Variants in KIF16B observed in about 807,000 individuals in gnomAD.
KIF16B encodes the protein kinesin family member 16B.
KIF16B carries 98 observed loss-of-function variants against 156.3 expected under a neutral mutation model. The ratio of observed to expected loss-of-function variants is 0.63; its 90% confidence interval spans 0.53 to 0.74. KIF16B has a LOEUF of 0.74. Ranked by LOEUF, KIF16B falls within the 30% of genes least tolerant of loss-of-function variation. The probability of loss-of-function intolerance (pLI) is 0.00; values close to 1 mark genes in which losing one functional copy is unlikely to be tolerated. For synonymous variants in KIF16B, 564 were observed against 583.7 expected (o/e 0.97, Z 0.49); for missense variants, 1,421 against 1,606.5 (o/e 0.88, Z 1.97).
At chr20:16,391,723 T>A (rs2065370801) in intron 17 of KIF16B, among the ~76,000 whole-genome samples, 1 of 151,620 alleles carries the variant, frequency 6.6e-6, no homozygotes. Context: ...CAAGGGAGGG[T>A]GGCCACAAGA....
intron 1 of KIF16B, among the ~76,000 whole-genome samples, chr20:16,529,809 G>A (rs1600636381): frequency 6.6e-6 from 1 of 152,244 alleles, no homozygotes; most frequent in East Asian, 1.9e-4. Flanking sequence ...AAATTAGCCG[G>A]CCATGGTGGC....
At chr20:16,471,024 GA>G (rs1183372863) in intron 12 of KIF16B, among the ~76,000 whole-genome samples, 1 of 151,914 alleles carries the variant, frequency 6.6e-6, no homozygotes, top group Admixed American at 6.6e-5. Flanking sequence ...ATGGGAAGTG[GA>G]AAAAAGACAG....
chr20:16,406,561 A>G, intron 15 of KIF16B, 105 bp from the exon 16 acceptor site: 1 of 978,470 alleles, frequency 1.0e-6, no homozygotes, highest in Non-Finnish European at 1.6e-6. Flanking sequence ...CCAGTGTATT[A>G]TAAAATAATA....
chr20:16,509,625 G>C (rs1395224237), intron 6 of KIF16B, among the ~76,000 whole-genome samples: 5 of 152,272 alleles, frequency 3.3e-5, no homozygotes, highest in African/African-American at 9.6e-5. Context: ...TCTACAAACA[G>C]CCTAGTCATA....
chr20:16,480,147 T>C (rs2067939087), intron 12 of KIF16B, among the ~76,000 whole-genome samples: 1 of 152,168 alleles, frequency 6.6e-6, no homozygotes, highest in Admixed American at 6.5e-5. Context: ...AGATGTAATA[T>C]ATAATGCCCA....
rs199580827 is a variant in KIF16B, at chr20:16,512,778, T to C, written c.446+48A>G. 5.7e-4 allele frequency: 745 copies of C among 1,304,566 alleles called. 4 individuals are homozygous for C. The African/African-American group carries it at 9.7e-3, about 17-fold the overall frequency. 80.8% of individuals were successfully genotyped at this position (1,304,566 alleles called of 1,614,324 possible). ...GCACCTAAATGCAGGCCAACCAGCATTGACTCTAATCAAGCTCACACACAG... is the reference window on the plus strand; with the variant it reads ...GCACCTAAATGCAGGCCAACCAGCACTGACTCTAATCAAGCTCACACACAG... On this transcript the variant is annotated intron_variant, in intron 5 of 25. Coordinates refer to ENST00000354981, the MANE Select transcript of KIF16B (RefSeq NM_024704.5).
intron 12 of KIF16B, among the ~76,000 whole-genome samples, chr20:16,437,258 G>A (rs928052075): frequency 1.3e-5 from 2 of 152,144 alleles, no homozygotes; most frequent in African/African-American, 4.8e-5. Flanking sequence ...ATCTATGGTT[G>A]GTAAAATCCA....
At chr20:16,426,506 G>A (rs1388145974) in intron 15 of KIF16B, among the ~76,000 whole-genome samples, 1 of 152,166 alleles carries the variant, frequency 6.6e-6, no homozygotes. Context: ...GGCAAGACTT[G>A]AACGAGGTCT....
chr20:16,522,300 G>C lies in KIF16B; in HGVS notation c.231+3792C>G, dbSNP rs2069381687. Among the ~76,000 whole-genome samples the C allele has an allele frequency of 2.6e-5, 4 of 152,228 alleles. No individual in the cohort carries two copies. The South Asian group carries it at 8.3e-4, about 32-fold the overall frequency. ...CATCTCACATGCAAAGACAACAAAGGCTCAAAATAAAGGGAGAGAAGAATA... is the reference window on the plus strand; with the variant it reads ...CATCTCACATGCAAAGACAACAAAGCCTCAAAATAAAGGGAGAGAAGAATA... On this transcript the variant is annotated intron_variant, in intron 3 of 25. Coordinates refer to ENST00000354981, the MANE Select transcript of KIF16B (RefSeq NM_024704.5).
intron 25 of KIF16B, among the ~76,000 whole-genome samples, chr20:16,300,121 T>C (rs529023075): frequency 2.6e-5 from 4 of 152,364 alleles, no homozygotes; most frequent in Non-Finnish European, 5.9e-5. Context: ...TCTTGGCTTC[T>C]GTGTTCAAAC....
chr20:16,513,659 T>TA lies in KIF16B; in HGVS notation c.349-737dup, dbSNP rs10713040. Among the ~76,000 whole-genome samples, 314 of 112,668 alleles carry TA rather than the reference T, an allele frequency of 2.8e-3. 2 individuals carry two copies. Among genetic ancestry groups the TA allele is most frequent in the East Asian group, 5.5e-3 (22 of 3,980 alleles). The allele number at this position is 112,668 out of a possible 152,430, so 73.9% of individuals were successfully genotyped here. ...TAGGCAACAAGAGCAAAACTACGTT[T>TA]AAAAAAAAAAAAAAAAAAAAAAAAC... On this transcript the variant is annotated intron_variant, in intron 4 of 25. Transcript: ENST00000354981.
At chr20:16,439,450 C>T (rs115437653) in intron 12 of KIF16B, among the ~76,000 whole-genome samples, 32 of 152,294 alleles carry the variant, frequency 2.1e-4, no homozygotes, top group African/African-American at 7.5e-4. Flanking sequence ...CCAACCTCAT[C>T]TCCCCTTCAC....
At chr20:16,554,970 G>A (rs1029758850) in intron 1 of KIF16B, among the ~76,000 whole-genome samples, 17 of 152,218 alleles carry the variant, frequency 1.1e-4, no homozygotes, top group Non-Finnish European at 1.8e-4. Context: ...ACCCTTTGCC[G>A]CTCCATGCCT....
intron 15 of KIF16B, among the ~76,000 whole-genome samples, chr20:16,407,856 A>G (rs958699162): frequency 6.6e-6 from 1 of 152,124 alleles, no homozygotes; most frequent in Non-Finnish European, 1.5e-5. Context: ...GCAAGAGTTC[A>G]AAGTCTGGAG....
intron 25 of KIF16B, among the ~76,000 whole-genome samples, chr20:16,292,470 G>A (rs1004248078): frequency 5.3e-5 from 8 of 152,140 alleles, no homozygotes; most frequent in Non-Finnish European, 1.2e-4. Context: ...GTTTACACGG[G>A]CAACAAAAGA....
chr20:16,301,194 T>C (rs539232134), intron 25 of KIF16B, among the ~76,000 whole-genome samples: 58 of 152,334 alleles, frequency 3.8e-4, no homozygotes, highest in African/African-American at 1.4e-3. Context: ...CTACATAACA[T>C]TCTATTGTTT....
rs373910294 is a variant in KIF16B at position 16,361,504 on chromosome 20, C to T, written c.3499-5052G>A. ...ACTGTCTTCGAAGGCTTGGCAAATA[C>T]ATCTGATTTGGATTTTGCCAAGACG... is the stretch of plus-strand genomic sequence containing the variant. On this transcript the variant is annotated intron_variant, in intron 22 of 25. Transcript: ENST00000354981. Among the ~76,000 whole-genome samples, 96 of 152,324 alleles carry T rather than the reference C, an allele frequency of 6.3e-4. 4 individuals carry two copies. In the South Asian group the frequency reaches 0.019, roughly 31 times the overall value.
chr20:16,518,945 C>T (rs2069235732), intron 3 of KIF16B, among the ~76,000 whole-genome samples: 1 of 152,150 alleles, frequency 6.6e-6, no homozygotes, highest in African/African-American at 2.4e-5. Flanking sequence ...CACTCCTTCT[C>T]GTCCACATCC....
chr20:16,537,691 TTTTC>T (rs1458303770), intron 1 of KIF16B, among the ~76,000 whole-genome samples: 2 of 147,794 alleles, frequency 1.4e-5, no homozygotes, highest in Non-Finnish European at 3.0e-5. Context: ...CTTTTTCTTT[TTTTC>T]TTTTTTTCGT....
Sources: gnomAD v4.1 joint callset for allele counts (sites outside exome capture counted in the v4.1 genomes callset) on GRCh38, gnomAD v4.1.1 for gene constraint, MANE v1.5 for transcripts, NCBI Gene and HGNC (gene_info 2026-07-23, HGNC 2026-07-21) for gene names.